The following SDK1 variants were observed in gnomAD, a reference collection of about 807,000 sequenced individuals.
SDK1 encodes protein sidekick-1.
A neutral mutation model predicts 245.5 loss-of-function variants in SDK1; 157 were observed. The observed-to-expected ratio is 0.64, with a 90% CI of 0.56 to 0.73. The LOEUF (loss-of-function observed/expected upper bound fraction) is 0.73. SDK1 is among the 30% of genes least tolerant of loss of function. SDK1 has a pLI of 0.00. For missense variants in SDK1, 3,583 were observed against 3,002.3 expected (o/e 1.19, Z -4.52); for synonymous variants, 1,647 against 1,278.5 (o/e 1.29, Z -6.15).
intron 1 of SDK1, among the ~76,000 whole-genome samples, chr7:3,489,740 T>C (rs1362086327): frequency 1.3e-5 from 2 of 152,220 alleles, no homozygotes; most frequent in Non-Finnish European, 2.9e-5. Context: ...AAAAAATAAT[T>C]GGTTTAACAG....
intron 1 of SDK1, among the ~76,000 whole-genome samples, chr7:3,336,368 T>G (rs1780200253): frequency 6.6e-6 from 1 of 152,164 alleles, no homozygotes; most frequent in Admixed American, 6.5e-5. Context: ...TTCCACCCTC[T>G]GCCTGGTAGG....
intron 4 of SDK1, among the ~76,000 whole-genome samples, chr7:3,792,553 C>T (rs1778833083): frequency 1.3e-5 from 2 of 152,170 alleles, no homozygotes; most frequent in South Asian, 2.1e-4. Flanking sequence ...CTTTTATGCT[C>T]TCACTCTCTA....
At chr7:4,053,001 C>A (rs139789084) in intron 19 of SDK1, among the ~76,000 whole-genome samples, 6,799 of 149,768 alleles carry the variant, frequency 0.045, 295 homozygotes, top group African/African-American at 0.11. Context: ...GCAGGAGAAT[C>A]ACTTGAACCC....
chr7:3,463,764 A>T (rs1335763312), intron 1 of SDK1, among the ~76,000 whole-genome samples: 1 of 152,100 alleles, frequency 6.6e-6, no homozygotes, highest in Non-Finnish European at 1.5e-5. Context: ...GTCTCTCCAT[A>T]CATTTCTCTG....
intron 1 of SDK1, among the ~76,000 whole-genome samples, chr7:3,392,978 T>C (rs1299758086): frequency 1.5e-5 from 2 of 137,610 alleles, no homozygotes; most frequent in Non-Finnish European, 3.1e-5. Flanking sequence ...TTTTTTTTTT[T>C]TTCTTTTTTG....
At chr7:3,817,338 C>G (rs17133880) in intron 4 of SDK1, among the ~76,000 whole-genome samples, 3,509 of 152,268 alleles carry the variant, frequency 0.023, 120 homozygotes, top group African/African-American at 0.072. Context: ...CCAATCGAAG[C>G]TCTATGGGAC....
At chr7:3,591,558 A>G (rs1456494556) in intron 1 of SDK1, among the ~76,000 whole-genome samples, 1 of 152,254 alleles carries the variant, frequency 6.6e-6, no homozygotes, top group Non-Finnish European at 1.5e-5. Context: ...AAATTGCAGT[A>G]ATCACTGGGG....
chr7:3,656,181 G>C (rs1783178242), intron 4 of SDK1, among the ~76,000 whole-genome samples: 1 of 152,166 alleles, frequency 6.6e-6, no homozygotes, highest in Non-Finnish European at 1.5e-5. Flanking sequence ...CTTGTAAGTA[G>C]ATATGCCCCC....
At chr7:4,230,546 G>C (rs781263082) in intron 40 of SDK1, among the ~76,000 whole-genome samples, 1 of 151,736 alleles carries the variant, frequency 6.6e-6, no homozygotes, top group African/African-American at 2.4e-5. Context: ...AAGGAAAAAT[G>C]GATGGATGGA....
At chr7:3,422,929 C>T (rs1338545844) in intron 1 of SDK1, among the ~76,000 whole-genome samples, 1 of 152,144 alleles carries the variant, frequency 6.6e-6, no homozygotes, top group Non-Finnish European at 1.5e-5. Context: ...CCTCATTTTA[C>T]CCTGTATATC....
chr7:3,315,844 A>T (rs1332508403), intron 1 of SDK1, among the ~76,000 whole-genome samples: 4 of 152,122 alleles, frequency 2.6e-5, no homozygotes. Flanking sequence ...TTTGTTTCCT[A>T]TTTGAGGGAA....
chr7:4,014,180 G>T (rs986021828), intron 16 of SDK1, among the ~76,000 whole-genome samples: 1 of 152,196 alleles, frequency 6.6e-6, no homozygotes, highest in African/African-American at 2.4e-5. Flanking sequence ...GTCAAGTAAG[G>T]ACTTTAAAAG....
chr7:3,927,846 G>C (rs1182029412), intron 5 of SDK1, among the ~76,000 whole-genome samples: 2 of 152,216 alleles, frequency 1.3e-5, no homozygotes, highest in African/African-American at 4.8e-5. Context: ...GGTTGCAACT[G>C]AGGTTCTTTC....
At chr7:3,539,319 G>C (rs1352701718) in intron 1 of SDK1, among the ~76,000 whole-genome samples, 1 of 152,136 alleles carries the variant, frequency 6.6e-6, no homozygotes, top group Non-Finnish European at 1.5e-5. Flanking sequence ...TTAGTTTTTA[G>C]CAGTTCCTTC....
chr7:3,719,751 G>C (rs2115027756), intron 4 of SDK1, among the ~76,000 whole-genome samples: 1 of 152,230 alleles, frequency 6.6e-6, no homozygotes, highest in African/African-American at 2.4e-5. Context: ...GGCTGAGGTG[G>C]GTGGATCATG....
At chr7:3,638,436 A>G (rs907703359) in intron 2 of SDK1, among the ~76,000 whole-genome samples, 3 of 151,904 alleles carry the variant, frequency 2.0e-5, no homozygotes, top group African/African-American at 4.8e-5. Flanking sequence ...CATATACACC[A>G]TGGAATACTA....
chr7:3,425,712 A>G (rs1779657731), intron 1 of SDK1, among the ~76,000 whole-genome samples: 1 of 152,222 alleles, frequency 6.6e-6, no homozygotes, highest in Admixed American at 6.5e-5. Context: ...ATCATTAATT[A>G]GGGAAGATAA....
intron 22 of SDK1, among the ~76,000 whole-genome samples, chr7:4,088,845 C>T (rs993122083): frequency 6.6e-6 from 1 of 152,210 alleles, no homozygotes; most frequent in Non-Finnish European, 1.5e-5. Context: ...TTTTCATAAA[C>T]ACAGTTTGGA....
Position 3,468,345 on chromosome 7 carries a change from CAGA to C in SDK1, c.299-150729_299-150727del, listed in dbSNP as rs1781075497. Among the ~76,000 whole-genome samples, 4 of 152,126 alleles carry C rather than the reference CAGA, an allele frequency of 2.6e-5. No individual in the cohort carries two copies. The South Asian group carries it at 8.3e-4, about 32-fold the overall frequency. On this transcript the variant is annotated intron_variant, in intron 1 of 44. Coordinates refer to ENST00000404826, the MANE Select transcript of SDK1 (RefSeq NM_152744.4). ...AGAAAATATCCCAAAATGAAGGCCTCAGAAGAAGCCTTAGAAGCAAGGCTTTCT... is the reference window on the plus strand; with the variant it reads ...AGAAAATATCCCAAAATGAAGGCCTCAGAAGCCTTAGAAGCAAGGCTTTCT...
Sources: gnomAD v4.1 joint callset for allele counts (sites outside exome capture counted in the v4.1 genomes callset) on GRCh38, gnomAD v4.1.1 for gene constraint, MANE v1.5 for transcripts, NCBI Gene and HGNC (gene_info 2026-07-23, HGNC 2026-07-21) for gene names.